Variants in ZNF180 observed in about 807,000 individuals in gnomAD.
ZNF180 encodes the protein zinc finger protein 180.
ZNF180 carries 11 observed loss-of-function variants against 11.8 expected under a neutral mutation model. That is an observed-to-expected ratio of 0.93 (90% CI 0.59 to 1.55). ZNF180 has a LOEUF of 1.55. ZNF180 is among the 40% of genes most tolerant of loss of function. The probability of loss-of-function intolerance (pLI) is 0.00; values close to 1 mark genes in which losing one functional copy is unlikely to be tolerated. For missense variants in ZNF180, 773 were observed against 781.7 expected (o/e 0.99, Z 0.13); for synonymous variants, 287 against 257.7 (o/e 1.11, Z -1.09).
At position 44,495,467 on chromosome 19, in the gene ZNF180, C is replaced by A. The variant is rs529074524; in HGVS notation, c.51+1817G>T. The stretch of plus-strand genomic sequence containing the variant: ...CTGACACCCCTGCAGGCCACCCTCA[C>A]GCATGATGCCCTCAACATGCTCATG... On this transcript the variant is annotated intron_variant, in intron 2 of 4. Transcript: ENST00000592529. This position sits in a 1 kb window ranked among gnomAD's most constrained non-coding sequence, Gnocchi z 4.5. Among the ~76,000 whole-genome samples the A allele has an allele frequency of 1.3e-5, 2 of 152,166 alleles. No individual in the cohort carries two copies. The highest frequency in any genetic ancestry group is 4.8e-5 in the African/African-American group (2 of 41,422).
At chr19:44,491,761 G>A (rs1970456170) in intron 2 of ZNF180, among the ~76,000 whole-genome samples, 1 of 152,054 alleles carries the variant, frequency 6.6e-6, no homozygotes, top group South Asian at 2.1e-4. Flanking sequence ...ATTTTTTGTA[G>A]AGGTGGGAGT....
Position 44,482,364 on chromosome 19 carries a change from C to T in ZNF180, c.126+1997G>A, listed in dbSNP as rs552278250. Among the ~76,000 whole-genome samples the T allele has an allele frequency of 7.9e-5, 12 of 152,292 alleles. No individual in the cohort carries two copies. The South Asian group carries it at 2.5e-3, about 32-fold the overall frequency. ...TTCAGTATCCTTCACCAAACATTCCCTATACATCCCTGTGTTAATGGAGAC... is the reference window on the plus strand; with the variant it reads ...TTCAGTATCCTTCACCAAACATTCCTTATACATCCCTGTGTTAATGGAGAC... On this transcript the variant is annotated intron_variant, in intron 3 of 4. Coordinates refer to ENST00000592529, the MANE Select transcript of ZNF180 (RefSeq NM_001278509.3).
rs766591968 is a variant in ZNF180 at position 44,484,318 on chromosome 19, T to C, written c.126+43A>G. The C allele has an allele frequency of 2.0e-5, 30 of 1,493,352 alleles. 1 individual carries two copies. The South Asian group carries it at 2.9e-4, about 15-fold the overall frequency. The allele number at this position is 1,493,352 out of a possible 1,614,324, so 92.5% of individuals were successfully genotyped here. A position where few individuals can be genotyped will look rare whatever the true frequency, so the allele number is the denominator to read the frequency against. On this transcript the variant is annotated intron_variant, in intron 3 of 4. Transcript: ENST00000592529. The stretch of plus-strand genomic sequence containing the variant: ...TCACTTTCTACTCACTTCCCAGCCA[T>C]GCACATTTCTCAGTGTAAAGACAGA...
chr19:44,477,177 T>C lies in ZNF180; in HGVS notation c.1223A>G (p.Lys408Arg), dbSNP rs747214136. ...TCCACACTGATTGCATTCATAAGGCTTCTCCCCAGTATGAGTTCTTTGATG... is the reference window on the plus strand; with the variant it reads ...TCCACACTGATTGCATTCATAAGGCCTCTCCCCAGTATGAGTTCTTTGATG... ...VVHQRTHTGE[K>R]PYECNQCGKS... is the part of the protein sequence containing the mutation. The change falls in exon 5 of 5, where the codon AAG (lysine) becomes AGG (arginine). Residue 408 changes from lysine to arginine, a missense_variant. Physicochemically the swap from Lys to Arg is conservative, Grantham distance 26. Coordinates refer to ENST00000592529, the MANE Select transcript of ZNF180 (RefSeq NM_001278509.3). The C allele has an allele frequency of 6.2e-7, 1 of 1,613,392 alleles. No individual in the cohort carries two copies. Among genetic ancestry groups the C allele is most frequent in the Non-Finnish European group, 8.5e-7 (1 of 1,179,386 alleles).
At chr19:44,490,515 C>A (rs192084360) in intron 2 of ZNF180, among the ~76,000 whole-genome samples, 1 of 152,090 alleles carries the variant, frequency 6.6e-6, no homozygotes, top group Non-Finnish European at 1.5e-5. Flanking sequence ...GATATACACC[C>A]GTGACAAATA....
chr19:44,500,182 T>G (rs2123522806), intron 1 of ZNF180, 93 bp downstream of exon 1: 1 of 1,614,090 alleles, frequency 6.2e-7, no homozygotes, highest in East Asian at 2.2e-5. Context: ...ATACCAGGTC[T>G]CCCCGCTACA....
chr19:44,492,856 G>A (rs1471827887), intron 2 of ZNF180, among the ~76,000 whole-genome samples: 1 of 152,162 alleles, frequency 6.6e-6, no homozygotes, highest in East Asian at 1.9e-4. Context: ...CAGACTTCTT[G>A]GTGTGTTTCC....
Position 44,477,901 on chromosome 19 carries a change from C to T in ZNF180, c.499G>A (p.Glu167Lys), listed in dbSNP as rs1393165616. ...VIHERVCKSD[E>K]TGEKSGLNSS... ...TTCAGACCACTCTTCTCCCCAGTTTCATCACTTTTGCAGACTCTCTCATGA... is the reference window on the plus strand; with the variant it reads ...TTCAGACCACTCTTCTCCCCAGTTTTATCACTTTTGCAGACTCTCTCATGA... Residue 167 changes from glutamate to lysine, a missense_variant, in exon 5 of 5, where the codon GAA becomes AAA. Transcript: ENST00000592529. 2.5e-6 allele frequency: 4 copies of T among 1,613,868 alleles called. No individual in the cohort carries two copies. In the East Asian group the frequency reaches 8.9e-5, roughly 36 times the overall value.
chr19:44,494,571 T>C (rs1375047532), intron 2 of ZNF180, among the ~76,000 whole-genome samples: 1 of 151,728 alleles, frequency 6.6e-6, no homozygotes, highest in Non-Finnish European at 1.5e-5. Context: ...ACTCAGGAGG[T>C]TGAGGTGGGA....
At chr19:44,483,145 A>G (rs893184265) in intron 3 of ZNF180, among the ~76,000 whole-genome samples, 6 of 152,220 alleles carry the variant, frequency 3.9e-5, no homozygotes, top group Non-Finnish European at 8.8e-5. Context: ...TGAAAGTTTA[A>G]GGCCATTATG....
At position 44,477,909 on chromosome 19, in the gene ZNF180, T is replaced by C. The variant is rs1969971834; in HGVS notation, c.491A>G (p.Lys164Arg). ...ACTCTTCTCCCCAGTTTCATCACTT[T>C]TGCAGACTCTCTCATGAATAACTGC... is the stretch of plus-strand genomic sequence containing the variant. ...RKAVIHERVC[K>R]SDETGEKSGL... The change falls in exon 5 of 5, where the codon AAA becomes AGA. Residue 164 changes from lysine (K) to arginine (R), a missense_variant. Coordinates refer to ENST00000592529, the MANE Select transcript of ZNF180 (RefSeq NM_001278509.3). 3 of 1,613,864 alleles carry C rather than the reference T, an allele frequency of 1.9e-6. No homozygotes were observed.
rs1307676873 is a variant in ZNF180, at chr19:44,492,964, A to G, written c.51+4320T>C. Among the ~76,000 whole-genome samples, 4 of 152,194 alleles carry G rather than the reference A, an allele frequency of 2.6e-5. No individual in the cohort carries two copies. The East Asian group carries it at 7.7e-4, about 29-fold the overall frequency. ...CATGTGGGAGGCCCTGAGGTTTCTT[A>G]ATCACCAAATCTAGAAGGCGTAAAA... On this transcript the variant is annotated intron_variant, in intron 2 of 4. Coordinates refer to ENST00000592529, the MANE Select transcript of ZNF180 (RefSeq NM_001278509.3).
chr19:44,477,175 G>A lies in ZNF180; in HGVS notation c.1225C>T (p.Pro409Ser). The A allele has an allele frequency of 3.7e-6, 6 of 1,613,310 alleles. No individual in the cohort carries two copies. The highest frequency in any genetic ancestry group is 5.1e-6 in the Non-Finnish European group (6 of 1,179,382). Residue 409 changes from proline to serine, a missense_variant, in exon 5 of 5, where the codon CCT becomes TCT. Pro to Ser is a moderately conservative substitution (Grantham distance 74). Transcript: ENST00000592529. ...VHQRTHTGEK[P>S]YECNQCGKSF... ...TTTCCACACTGATTGCATTCATAAG[G>A]CTTCTCCCCAGTATGAGTTCTTTGA...
rs200908946 is a variant in ZNF180 at position 44,476,825 on chromosome 19, A to C, written c.1575T>G (p.Ser525Arg). ...TGCGGTTAAAAGATTTTCCACATTC[A>C]CTACATTCATACGGTTTCTCTCCAG... ...THTGEKPYEC[S>R]ECGKSFNRSS... The change falls in exon 5 of 5, where the codon AGT becomes AGG. Residue 525 changes from serine to arginine, a missense_variant. Ser to Arg is a moderately radical substitution (Grantham distance 110). Coordinates refer to ENST00000592529, the MANE Select transcript of ZNF180 (RefSeq NM_001278509.3). 1 of 1,614,138 alleles carries C rather than the reference A, an allele frequency of 6.2e-7. No homozygotes were observed. Among genetic ancestry groups the C allele is most frequent in the Non-Finnish European group, 8.5e-7 (1 of 1,180,018 alleles).
At position 44,500,272 on chromosome 19, in the gene ZNF180, A is replaced by T; in HGVS notation, c.-44+3T>A. On this transcript the variant is annotated splice_donor_region_variant and intron_variant, in intron 1 of 4. Coordinates refer to ENST00000592529, the MANE Select transcript of ZNF180 (RefSeq NM_001278509.3). ...CCAAGCGCTGCCCCACGCCCCTACCAACCTGGGCGTCCGCTGGCCCGCAGC... is the reference window on the plus strand; with the variant it reads ...CCAAGCGCTGCCCCACGCCCCTACCTACCTGGGCGTCCGCTGGCCCGCAGC... 1 of 1,612,912 alleles carries T rather than the reference A, an allele frequency of 6.2e-7. No homozygotes were observed. The highest frequency in any genetic ancestry group is 8.5e-7 in the Non-Finnish European group (1 of 1,179,780).
intron 2 of ZNF180, among the ~76,000 whole-genome samples, chr19:44,490,131 GGA>G (rs2123485179): frequency 7.5e-6 from 1 of 132,728 alleles, no homozygotes; most frequent in East Asian, 2.4e-4. Flanking sequence ...GGAAGGGAAG[GGA>G]AGGGAAAGAA....
intron 2 of ZNF180, among the ~76,000 whole-genome samples, chr19:44,489,827 AAGAAAAGAAG>A (rs1416112758): frequency 1.5e-4 from 16 of 103,652 alleles, no homozygotes; most frequent in Non-Finnish European, 2.2e-4. Context: ...AAAGAAAAGA[AAGAAAAGAAG>A]AGAAGAGATG....
At chr19:44,489,875 GAGAA>G (rs1459632368) in intron 2 of ZNF180, among the ~76,000 whole-genome samples, 3 of 113,906 alleles carry the variant, frequency 2.6e-5, no homozygotes, top group African/African-American at 6.0e-5. Flanking sequence ...AAGAAAGAGA[GAGAA>G]AGAGAGAGAG....
rs1197579735 is a variant in ZNF180, at chr19:44,476,547, C to T, written c.1853G>A (p.Ser618Asn). 1.2e-6 allele frequency: 2 copies of T among 1,614,036 alleles called. No homozygotes were observed. The highest frequency in any genetic ancestry group is 2.7e-5 in the African/African-American group (2 of 74,936). Residue 618 changes from serine (S) to asparagine (N), a missense_variant, in exon 5 of 5, where the codon AGT (serine) becomes AAT (asparagine). Transcript: ENST00000592529. ...TCTTTGATGCACAATAAGTCGAGCA[C>T]TCAAGCTAAATGTTTTTCCACACTG... ...CNQCGKTFSL[S>N]ARLIVHQRTH... is the part of the protein sequence containing the mutation.
Sources: gnomAD v4.1 joint callset for allele counts (sites outside exome capture counted in the v4.1 genomes callset) on GRCh38, gnomAD v4.1.1 for gene constraint, Gnocchi (gnomAD v3.1) non-coding constraint, MANE v1.5 for transcripts, NCBI Gene and HGNC (gene_info 2026-07-23, HGNC 2026-07-21) for gene names.